The following CD109 variants were observed in gnomAD, a reference collection of about 807,000 sequenced individuals.
CD109 encodes CD109 antigen.
In CD109, 149 loss-of-function variants were observed where a neutral mutation model predicts 165.8. The observed-to-expected ratio is 0.90, with a 90% CI of 0.79 to 1.03. CD109 has a LOEUF of 1.03. Ranked by LOEUF, CD109 falls within the 50% of genes least tolerant of loss-of-function variation. The pLI is 0.00. For synonymous variants in CD109, 585 were observed against 592.1 expected (o/e 0.99, Z 0.18); for missense variants, 1,712 against 1,677.8 (o/e 1.02, Z -0.36).
At chr6:73,767,941 A>C in intron 13 of CD109, 114 bp from the exon 14 acceptor site, 1 of 857,968 alleles carries the variant, frequency 1.2e-6, no homozygotes, top group Middle Eastern at 3.2e-4. Context: ...AAAGACTTTG[A>C]AGCTGGTTTA....
the CD109 span, among the ~76,000 whole-genome samples, chr6:73,683,407 C>A: frequency 2.0e-5 from 3 of 152,324 alleles, no homozygotes; most frequent in East Asian, 5.8e-4. Context: ...AGCTCCTCAT[C>A]TCAGTCTGAG....
chr6:73,739,614 C>T (rs1772684895), intron 5 of CD109, among the ~76,000 whole-genome samples: 1 of 151,964 alleles, frequency 6.6e-6, no homozygotes, highest in East Asian at 1.9e-4. Context: ...TTTGGGAAGC[C>T]GAGGCGGGCG....
At position 73,802,721 on chromosome 6, in the gene CD109, TTTTA is replaced by T. The variant is rs1230947133; in HGVS notation, c.2879-495_2879-492del. Among the ~76,000 whole-genome samples the T allele has an allele frequency of 4.3e-4, 62 of 144,788 alleles. 1 individual carries two copies. The highest frequency in any genetic ancestry group is 1.6e-3 in the African/African-American group (61 of 38,626). The allele number at this position is 144,788 out of a possible 152,430, so 95.0% of individuals were successfully genotyped here. On this transcript the variant is annotated intron_variant, in intron 23 of 32. Transcript: ENST00000287097. The stretch of plus-strand genomic sequence containing the variant: ...TTTTTTTTTTTTTTTTGAGATGGAA[TTTTA>T]TTTGCTCTTGTTGCCTAGGCTGGAG...
At chr6:73,717,909 G>A (rs1388324669) in intron 2 of CD109, among the ~76,000 whole-genome samples, 2 of 150,938 alleles carry the variant, frequency 1.3e-5, no homozygotes, top group Admixed American at 6.6e-5. Context: ...GTGAGCCACC[G>A]CGCCTGGCTT....
chr6:73,750,996 A>G (rs1157948995), intron 5 of CD109, among the ~76,000 whole-genome samples: 2 of 152,126 alleles, frequency 1.3e-5, no homozygotes, highest in African/African-American at 4.8e-5. Flanking sequence ...CCAGTCTAAT[A>G]AAATAAAATG....
At chr6:73,713,103 C>T (rs539025081) in intron 2 of CD109, among the ~76,000 whole-genome samples, 86 of 152,182 alleles carry the variant, frequency 5.7e-4, no homozygotes, top group Non-Finnish European at 1.1e-3. Context: ...CCGCTGCCCC[C>T]GATTTTATGT....
At chr6:73,802,577 G>A (rs1775406960) in intron 23 of CD109, among the ~76,000 whole-genome samples, 1 of 151,714 alleles carries the variant, frequency 6.6e-6, no homozygotes, top group Admixed American at 6.6e-5. Flanking sequence ...AAACAATTTT[G>A]ATGAACACTA....
At position 73,782,630 on chromosome 6, in the gene CD109, T is replaced by C. The variant is rs1774548457; in HGVS notation, c.1980T>C (p.Tyr660=). The C allele has an allele frequency of 6.2e-7, 1 of 1,613,316 alleles. No homozygotes were observed. Among genetic ancestry groups the C allele is most frequent in the Non-Finnish European group, 8.5e-7 (1 of 1,179,564 alleles). The change falls in exon 18 of 33, where the codon TAT becomes TAC. Residue 660 remains tyrosine, a synonymous_variant. Transcript: ENST00000287097. ...YIDGVYDNAE[Y]AERFMEENEG... The stretch of plus-strand genomic sequence containing the variant: ...TATTTATAGATGACAATGCAGAATA[T>C]GCTGAGAGGTTTATGGAGGAAAATG...
intron 23 of CD109, among the ~76,000 whole-genome samples, chr6:73,798,855 T>G (rs1414973340): frequency 6.6e-6 from 1 of 152,196 alleles, no homozygotes; most frequent in African/African-American, 2.4e-5. Context: ...GTTGATGTGA[T>G]CTGGGGGTGT....
chr6:73,815,258 T>G (rs1775897744), intron 30 of CD109, 135 bp downstream of exon 30: 2 of 589,280 alleles, frequency 3.4e-6, no homozygotes, highest in Non-Finnish European at 5.3e-6. Context: ...CACTTCAGAT[T>G]ACAAACTAGA....
At chr6:73,812,402 A>G (rs1213752896) in intron 29 of CD109, 132 bp downstream of exon 29, 1 of 590,690 alleles carries the variant, frequency 1.7e-6, no homozygotes, top group Non-Finnish European at 2.9e-6. Context: ...TAAGCAAGAT[A>G]TATCACTGTC....
intron 5 of CD109, among the ~76,000 whole-genome samples, chr6:73,738,196 A>G (rs1379084900): frequency 1.3e-5 from 2 of 152,226 alleles, no homozygotes; most frequent in Non-Finnish European, 2.9e-5. Context: ...TAGCACAAGC[A>G]CTGATGTTTT....
intron 23 of CD109, among the ~76,000 whole-genome samples, chr6:73,794,385 A>C (rs1450428581): frequency 1.3e-5 from 2 of 152,194 alleles, no homozygotes. Context: ...GGGATGCTTG[A>C]GTATCACCAC....
At chr6:73,768,589 G>A (rs1254363803) in intron 14 of CD109, among the ~76,000 whole-genome samples, 2 of 152,204 alleles carry the variant, frequency 1.3e-5, no homozygotes, top group Admixed American at 6.5e-5. Context: ...TATAAAGGGT[G>A]TGGGAAGGAG....
chr6:73,823,754 T>C lies in CD109; in HGVS notation c.*121T>C, dbSNP rs1226229636. 5 of 882,590 alleles carry C rather than the reference T, an allele frequency of 5.7e-6. No individual in the cohort carries two copies. Among genetic ancestry groups the C allele is most frequent in the Non-Finnish European group, 8.6e-6 (5 of 579,344 alleles). The allele number at this position is 882,590 out of a possible 1,614,324, so 54.7% of individuals were successfully genotyped here. On this transcript the variant is annotated 3_prime_UTR_variant, in exon 33 of 33. Coordinates refer to ENST00000287097, the MANE Select transcript of CD109 (RefSeq NM_133493.5). ...AAGAGTTTTTTTTCTTTCTATGGGG[T>C]TGCAGGGATGGTGTACAACAGGTCC... is the stretch of plus-strand genomic sequence containing the variant.
At chr6:73,814,108 A>AT (rs749220478) in intron 29 of CD109, among the ~76,000 whole-genome samples, 62 of 152,034 alleles carry the variant, frequency 4.1e-4, no homozygotes, top group Non-Finnish European at 7.9e-4. Context: ...GGCTTAGAGG[A>AT]TTTTTTTAAG....
intron 23 of CD109, among the ~76,000 whole-genome samples, chr6:73,797,608 T>G (rs1364882584): frequency 2.0e-5 from 3 of 152,214 alleles, no homozygotes; most frequent in African/African-American, 2.4e-5. Context: ...AGAAAATTCT[T>G]GAAATAGTCA....
chr6:73,759,076 G>A (rs1000536639), intron 7 of CD109, 48 bp downstream of exon 7: 3 of 1,229,754 alleles, frequency 2.4e-6, no homozygotes, highest in Non-Finnish European at 3.6e-6. Flanking sequence ...TTATAAAACT[G>A]TGTGACCAAA....
chr6:73,697,538 C>A lies in CD109; in HGVS notation c.213C>A (p.Val71=). 1 of 1,614,088 alleles carries A rather than the reference C, an allele frequency of 6.2e-7. No homozygotes were observed. Among genetic ancestry groups the A allele is most frequent in the Non-Finnish European group, 8.5e-7 (1 of 1,180,012 alleles). ...ELLKTASNLT[V]SVLEAEGVFE... Reference sequence around the variant, plus strand: ...TCAAGACAGCATCAAACCTCACTGTCTCTGTCCTGGAAGCAGAAGGAGTCT... The same window carrying A: ...TCAAGACAGCATCAAACCTCACTGTATCTGTCCTGGAAGCAGAAGGAGTCT... Residue 71 remains valine, a synonymous_variant, in exon 2 of 33, where the codon GTC becomes GTA. Transcript: ENST00000287097.
Sources: allele counts gnomAD v4.1 joint callset (sites outside exome capture counted in the v4.1 genomes callset), GRCh38; gene constraint gnomAD v4.1.1; transcripts MANE v1.5; gene names NCBI Gene and HGNC (gene_info 2026-07-23, HGNC 2026-07-21).